The following TUB variants were observed in gnomAD, a reference collection of about 807,000 sequenced individuals.
TUB encodes the protein TUB bipartite transcription factor, also known as tubby protein homolog.
A neutral mutation model predicts 59.7 loss-of-function variants in TUB; 33 were observed. That is an observed-to-expected ratio of 0.55 (90% CI 0.42 to 0.74). The LOEUF is 0.74. TUB is among the 30% of genes least tolerant of loss of function. The pLI, the probability that TUB is intolerant of heterozygous loss-of-function variation, is 0.00. For missense variants in TUB, 659 were observed against 672.0 expected (o/e 0.98, Z 0.21); for synonymous variants, 293 against 256.4 (o/e 1.14, Z -1.36).
rs1281679936 is a variant in TUB, at chr11:8,104,587, C to T, written c.*2968C>T. 1.3e-5 allele frequency: 2 copies of T among 152,206 alleles called. No homozygotes were observed. Among genetic ancestry groups the T allele is most frequent in the East Asian group, 3.8e-4 (2 of 5,204 alleles). The allele number at this position is 152,206 out of a possible 1,614,324, so 9.4% of individuals were successfully genotyped here. On this transcript the variant is annotated 3_prime_UTR_variant, in exon 12 of 12. Transcript: ENST00000299506. Reference sequence around the variant, plus strand: ...GTGGATTTTGTCCATTCATCTCATGCTCTCTGAACAGAAGGTATACCTGGG... The same window carrying T: ...GTGGATTTTGTCCATTCATCTCATGTTCTCTGAACAGAAGGTATACCTGGG...
At chr11:8,023,710 A>G (rs766367543) in intron 1 of TUB, among the ~76,000 whole-genome samples, 3 of 152,260 alleles carry the variant, frequency 2.0e-5, no homozygotes, top group Non-Finnish European at 4.4e-5. Flanking sequence ...AAACTTGGAC[A>G]TTGACCTTGA....
rs769778482 is a variant in TUB, at chr11:8,097,439, G to T, written c.885+14G>T. Reference sequence around the variant, plus strand: ...GATGGGAAGAAGGTAAGGTTGGTCTGGGCATGTTATCATCTAGGCTTTACA... The same window carrying T: ...GATGGGAAGAAGGTAAGGTTGGTCTTGGCATGTTATCATCTAGGCTTTACA... On this transcript the variant is annotated intron_variant, in intron 7 of 11. Transcript: ENST00000299506. The T allele has an allele frequency of 4.3e-6, 7 of 1,614,204 alleles. No individual in the cohort carries two copies. The South Asian group carries it at 7.7e-5, about 18-fold the overall frequency.
At position 8,073,615 on chromosome 11, in the gene TUB, A is replaced by T. The variant is rs79954609; in HGVS notation, c.204-15995A>T. Among the ~76,000 whole-genome samples the T allele has an allele frequency of 3.0e-3, 455 of 152,332 alleles. 2 individuals are homozygous for T. Among genetic ancestry groups the T allele is most frequent in the African/African-American group, 0.011 (444 of 41,574 alleles). ...AAGCTCTCTCCCGCTCTTCCTGATCACCTTAATTCCTTGTTGCCTATCTGC... is the reference window on the plus strand; with the variant it reads ...AAGCTCTCTCCCGCTCTTCCTGATCTCCTTAATTCCTTGTTGCCTATCTGC... On this transcript the variant is annotated intron_variant, in intron 2 of 12. Coordinates refer to the TUB transcript ENST00000305253.
chr11:8,033,712 G>A (rs916444604), upstream of TUB, among the ~76,000 whole-genome samples: 1 of 152,252 alleles, frequency 6.6e-6, no homozygotes, highest in African/African-American at 2.4e-5. Flanking sequence ...GGGGTGTAAT[G>A]TGTAAACAGC....
rs201501899 is a variant in TUB at position 8,101,466 on chromosome 11, G to A, written c.1388-20G>A. ...TCCTGTCCTGTCCTTTTCTCTGTCT[G>A]TGCCTGTGCTTGGCCCCAGCGGACT... On this transcript the variant is annotated intron_variant, in intron 11 of 11. Coordinates refer to ENST00000299506, the MANE Select transcript of TUB (RefSeq NM_177972.3). 261 of 1,611,038 alleles carry A rather than the reference G, an allele frequency of 1.6e-4. 1 individual carries two copies. The Middle Eastern group carries it at 1.7e-3, about 10-fold the overall frequency.
At chr11:8,053,459 A>G (rs1275278970) in intron 2 of TUB, among the ~76,000 whole-genome samples, 1 of 151,894 alleles carries the variant, frequency 6.6e-6, no homozygotes, top group Non-Finnish European at 1.5e-5. Flanking sequence ...GATTCCTCTA[A>G]CTCAATAATT....
chr11:8,047,965 T>C (rs933344913), intron 2 of TUB, among the ~76,000 whole-genome samples: 21 of 152,184 alleles, frequency 1.4e-4, no homozygotes, highest in African/African-American at 5.1e-4. Flanking sequence ...TTAATAATTA[T>C]TTATATCCTT....
In TUB at chr11:8,097,815, C is replaced by T. The variant is rs901023255; in HGVS notation, c.987C>T (p.Ile329=). The T allele has an allele frequency of 2.5e-6, 4 of 1,613,094 alleles. No homozygotes were observed. Among genetic ancestry groups the T allele is most frequent in the South Asian group, 1.1e-5 (1 of 90,926 alleles). The stretch of plus-strand genomic sequence containing the variant: ...TGTCTCGAGGAGGGGACAGCTATAT[C>T]GGGAAACTGCGGTACTAGCATTCCC... ...TDLSRGGDSY[I]GKLRSNLMGT... is the part of the protein sequence containing the mutation. Residue 329 remains isoleucine (I), a synonymous_variant, in exon 8 of 12, where the codon ATC becomes ATT. Coordinates refer to ENST00000299506, the MANE Select transcript of TUB (RefSeq NM_177972.3).
At chr11:8,090,288 C>T (rs1589962536) in intron 3 of TUB, 57 bp downstream of exon 3, 1 of 1,592,876 alleles carries the variant, frequency 6.3e-7, no homozygotes, top group African/African-American at 1.3e-5. Flanking sequence ...CCGTCACTTC[C>T]TGCCCACCTA....
At chr11:8,072,809 G>A (rs1294436967) in intron 2 of TUB, among the ~76,000 whole-genome samples, 2 of 152,204 alleles carry the variant, frequency 1.3e-5, no homozygotes, top group Non-Finnish European at 1.5e-5. Context: ...TCAGTCTTGT[G>A]TGTTTTCACA....
At chr11:8,100,710 G>GA in intron 10 of TUB, 109 bp downstream of exon 10, 1 of 1,542,576 alleles carries the variant, frequency 6.5e-7, no homozygotes, top group Non-Finnish European at 8.9e-7. Flanking sequence ...TACCATGTGA[G>GA]AAAGCCCTGG....
intron 2 of TUB, among the ~76,000 whole-genome samples, chr11:8,047,527 T>C (rs934009672): frequency 1.3e-5 from 2 of 152,114 alleles, no homozygotes; most frequent in Admixed American, 6.5e-5. Flanking sequence ...CTGGTGGAAA[T>C]GAGATCCAAG....
upstream of TUB, chr11:8,077,728 A>C (rs751911021): frequency 5.3e-5 from 8 of 152,176 alleles, no homozygotes; most frequent in Non-Finnish European, 7.3e-5. Context: ...CCTTGCCCCC[A>C]GCACATTGTA....
chr11:8,021,417 C>G (rs893203251), intron 1 of TUB, among the ~76,000 whole-genome samples: 1 of 151,568 alleles, frequency 6.6e-6, no homozygotes, highest in Non-Finnish European at 1.5e-5. Flanking sequence ...TTGCAGTGAG[C>G]CGAGATTGTG....
chr11:8,100,764 CT>C (rs1944254729), intron 10 of TUB, 61 bp from the exon 11 acceptor site: 3 of 1,598,620 alleles, frequency 1.9e-6, no homozygotes, highest in Non-Finnish European at 2.6e-6. Context: ...GGATAGATCC[CT>C]TTCTGGGGTG....
upstream of TUB, among the ~76,000 whole-genome samples, chr11:8,038,299 G>C (rs1224260955): frequency 6.6e-6 from 1 of 152,298 alleles, no homozygotes; most frequent in East Asian, 1.9e-4. Context: ...ATGAAGCCTT[G>C]TGAGTGGATG....
At chr11:8,019,314 C>A in exon 1 of TUB, 1 of 1,279,094 alleles carries the variant, frequency 7.8e-7, no homozygotes, top group Non-Finnish European at 9.9e-7. Context: ...TGGAGGGAGT[C>A]AGCAGCCACC....
chr11:8,080,506 A>G (rs1295482902), upstream of TUB, among the ~76,000 whole-genome samples: 1 of 152,202 alleles, frequency 6.6e-6, no homozygotes, highest in Non-Finnish European at 1.5e-5. Context: ...TTTGGAGGAC[A>G]CAGATCACAG....
intron 2 of TUB, among the ~76,000 whole-genome samples, chr11:8,072,994 C>G (rs1406096): frequency 0.1 from 15,825 of 152,262 alleles, 897 homozygotes; most frequent in African/African-American, 0.13. Context: ...GCCTTAGAGA[C>G]AGTCCCACTC....
Sources: allele counts gnomAD v4.1 joint callset (sites outside exome capture counted in the v4.1 genomes callset), GRCh38; gene constraint gnomAD v4.1.1; transcripts MANE v1.5; gene names NCBI Gene and HGNC (gene_info 2026-07-23, HGNC 2026-07-21).